PPP2R1A: variants seen among roughly 807,000 people sequenced by gnomAD.
PPP2R1A encodes the protein serine/threonine-protein phosphatase 2A 65 kDa regulatory subunit A alpha isoform.
In PPP2R1A, 15 loss-of-function variants were observed where a neutral mutation model predicts 67.1. That is an observed-to-expected ratio of 0.22 (90% CI 0.15 to 0.34). The LOEUF (loss-of-function observed/expected upper bound fraction) is 0.34. Among genes scored for constraint, PPP2R1A ranks in the 10% least tolerant of loss-of-function variants. PPP2R1A has a pLI of 1.00. For synonymous variants in PPP2R1A, 337 were observed against 325.0 expected (o/e 1.04, Z -0.40); for missense variants, 369 against 775.0 (o/e 0.48, Z 6.22).
In PPP2R1A at chr19:52,227,439, C is replaced by G. The variant is rs548904298; in HGVS notation, c.*1458C>G. 2.0e-5 allele frequency: 3 copies of G among 152,252 alleles called. No homozygotes were observed. The highest frequency in any genetic ancestry group is 3.9e-4 in the East Asian group (2 of 5,172). The allele number at this position is 152,252 out of a possible 1,614,324, so 9.4% of individuals were successfully genotyped here. A position where few individuals can be genotyped will look rare whatever the true frequency, so the allele number is the denominator to read the frequency against. On this transcript the variant is annotated 3_prime_UTR_variant, in exon 15 of 15. Coordinates refer to ENST00000322088, the MANE Select transcript of PPP2R1A (RefSeq NM_014225.6). ...GAATTAAACTGGTCAAGTGCCTGTT[C>G]GTTTAGGGTTTCATCACTTGAAGGT...
At position 52,216,842 on chromosome 19, in the gene PPP2R1A, A is replaced by G. The variant is rs1978603326; in HGVS notation, c.1128+179A>G. Among the ~76,000 whole-genome samples, 1 of 151,944 alleles carries G rather than the reference A, an allele frequency of 6.6e-6. No homozygotes were observed. ...TGTTCATGCGTTCATTCCTCCAGGC[A>G]CTCTTCATGAGGCCTTTCCTGGACA... is the stretch of plus-strand genomic sequence containing the variant. On this transcript the variant is annotated intron_variant, in intron 9 of 14. Transcript: ENST00000322088. The surrounding 1 kb of genome is among the most constrained non-coding windows in gnomAD (Gnocchi z 4.3).
chr19:52,210,815 G>C (rs1379404631), intron 3 of PPP2R1A, among the ~76,000 whole-genome samples: 1 of 152,140 alleles, frequency 6.6e-6, no homozygotes, highest in Non-Finnish European at 1.5e-5. Context: ...TTAAAATCAG[G>C]ACTTGCTTTA....
In PPP2R1A at chr19:52,206,049, G is replaced by C; in HGVS notation, c.256G>C (p.Val86Leu). The C allele has an allele frequency of 6.2e-7, 1 of 1,614,046 alleles. No homozygotes were observed. Among genetic ancestry groups the C allele is most frequent in the Non-Finnish European group, 8.5e-7 (1 of 1,179,892 alleles). ...FTTLVGGPEYVHCLLPPLESL... is the reference protein window; with the variant it reads ...FTTLVGGPEYLHCLLPPLESL... ...TACCCTGGTGGGAGGCCCAGAGTAC[G>C]TGCACTGCCTGCTGGTGAGTGGAAG... The change falls in exon 3 of 15, where the codon GTG (valine) becomes CTG (leucine). Residue 86 changes from valine (V) to leucine (L), a missense_variant. Val to Leu is a conservative substitution (Grantham distance 32). This residue lies in a region of PPP2R1A where 93 missense variants were observed against 266.5 expected (regional missense o/e 0.35). Transcript: ENST00000322088.
At chr19:52,197,499 G>T (rs1354587132) in intron 1 of PPP2R1A, among the ~76,000 whole-genome samples, 1 of 151,980 alleles carries the variant, frequency 6.6e-6, no homozygotes. Flanking sequence ...ACATAGTGAG[G>T]CCTCATCCCT....
At chr19:52,218,693 T>G (rs1304171087) in intron 9 of PPP2R1A, among the ~76,000 whole-genome samples, 3 of 152,208 alleles carry the variant, frequency 2.0e-5, no homozygotes, top group Non-Finnish European at 4.4e-5. Context: ...GTCTGCTATG[T>G]CATTTCACAC....
At chr19:52,210,608 C>T (rs1276614067) in intron 3 of PPP2R1A, among the ~76,000 whole-genome samples, 1 of 151,446 alleles carries the variant, frequency 6.6e-6, no homozygotes, top group African/African-American at 2.4e-5. Flanking sequence ...TCTTCTGCCT[C>T]AGCCTCCCGA....
chr19:52,225,085 T>C (rs1450867847), intron 13 of PPP2R1A, among the ~76,000 whole-genome samples: 4 of 148,194 alleles, frequency 2.7e-5, no homozygotes, highest in African/African-American at 1.0e-4. Context: ...TGATGCAATC[T>C]TGGCTCACCA....
chr19:52,222,414 T>C, intron 13 of PPP2R1A, 173 bp downstream of exon 13: 1 of 965,742 alleles, frequency 1.0e-6, no homozygotes, highest in Non-Finnish European at 1.4e-6. Flanking sequence ...AAAATGAACA[T>C]CACAGCATGA....
intron 2 of PPP2R1A, among the ~76,000 whole-genome samples, chr19:52,205,652 C>G (rs1427533376): frequency 6.6e-6 from 1 of 152,198 alleles, no homozygotes; most frequent in Non-Finnish European, 1.5e-5. Context: ...TCACTGTAAC[C>G]GTTGCTACGA....
At chr19:52,206,633 G>T (rs2089605473) in intron 3 of PPP2R1A, among the ~76,000 whole-genome samples, 1 of 152,116 alleles carries the variant, frequency 6.6e-6, no homozygotes, top group South Asian at 2.1e-4. Context: ...CTAGTAGATG[G>T]CAGAGCTGGG....
rs10422483 is a variant in PPP2R1A, at chr19:52,211,181, T to C, written c.271-79T>C. 1 of 1,368,806 alleles carries C rather than the reference T, an allele frequency of 7.3e-7. No homozygotes were observed. The highest frequency in any genetic ancestry group is 2.0e-5 in the Admixed American group (1 of 49,524). The allele number at this position is 1,368,806 out of a possible 1,614,324, so 84.8% of individuals were successfully genotyped here. A position where few individuals can be genotyped will look rare whatever the true frequency, so the allele number is the denominator to read the frequency against. On this transcript the variant is annotated intron_variant, in intron 3 of 14. Transcript: ENST00000322088. This position sits in a 1 kb window ranked among gnomAD's most constrained non-coding sequence, Gnocchi z 5.3. ...AGTTTTCTCTGAGGAGATGAGCCCA[T>C]GATGGGGTGCAGGATGGGGCTCCAG...
chr19:52,192,776 C>G (rs1290237241), intron 1 of PPP2R1A, among the ~76,000 whole-genome samples: 1 of 152,124 alleles, frequency 6.6e-6, no homozygotes, highest in African/African-American at 2.4e-5. Flanking sequence ...AAGAATATTG[C>G]AAAGGATACA....
chr19:52,224,401 G>A (rs1429757525), intron 13 of PPP2R1A, among the ~76,000 whole-genome samples: 1 of 152,208 alleles, frequency 6.6e-6, no homozygotes, highest in Non-Finnish European at 1.5e-5. Flanking sequence ...ACTTCCCCTT[G>A]GGGCCACTTA....
intron 3 of PPP2R1A, among the ~76,000 whole-genome samples, chr19:52,209,503 T>C (rs1232973456): frequency 6.6e-6 from 1 of 152,254 alleles, no homozygotes; most frequent in African/African-American, 2.4e-5. Flanking sequence ...TTTGTTTTTA[T>C]TCTTAGTTTT....
Position 52,222,196 on chromosome 19 carries a change from A to G in PPP2R1A, c.1616A>G (p.Asn539Ser). The change falls in exon 13 of 15, where the codon AAT becomes AGT. Residue 539 changes from asparagine to serine, a missense_variant. Physicochemically the swap from Asn to Ser is conservative, Grantham distance 46. Transcript: ENST00000322088. ...AGDPVANVRF[N>S]VAKSLQKIGP... ...GACCCGGTTGCCAATGTCCGCTTCA[A>G]TGTGGCCAAGTCTCTGCAGAAGATA... 6.2e-7 allele frequency: 1 copy of G among 1,614,124 alleles called. No homozygotes were observed. The highest frequency in any genetic ancestry group is 2.2e-5 in the East Asian group (1 of 44,880).
chr19:52,195,682 G>A (rs2089491168), intron 1 of PPP2R1A, among the ~76,000 whole-genome samples: 2 of 152,184 alleles, frequency 1.3e-5, no homozygotes, highest in African/African-American at 4.8e-5. Context: ...AGGGAAACAT[G>A]TAAGTTTATC....
chr19:52,199,956 C>T (rs2089531570), intron 1 of PPP2R1A, among the ~76,000 whole-genome samples: 1 of 152,198 alleles, frequency 6.6e-6, no homozygotes, highest in African/African-American at 2.4e-5. Context: ...TTACTGTGTG[C>T]ATTTTTCTGA....
At chr19:52,222,723 A>G (rs1036363203) in intron 13 of PPP2R1A, among the ~76,000 whole-genome samples, 2 of 152,232 alleles carry the variant, frequency 1.3e-5, no homozygotes, top group African/African-American at 4.8e-5. Context: ...TAAAAATACA[A>G]AAAATTAGCC....
chr19:52,196,870 G>A (rs2089500948), intron 1 of PPP2R1A, among the ~76,000 whole-genome samples: 1 of 152,210 alleles, frequency 6.6e-6, no homozygotes, highest in African/African-American at 2.4e-5. Context: ...ATTCCAGACA[G>A]GAAGGAGGGA....
Sources: gnomAD v4.1 joint callset for allele counts (sites outside exome capture counted in the v4.1 genomes callset) on GRCh38, gnomAD v4.1.1 for gene constraint, gnomAD v4.1.1 regional missense constraint, Gnocchi (gnomAD v3.1) non-coding constraint, MANE v1.5 for transcripts, NCBI Gene and HGNC (gene_info 2026-07-23, HGNC 2026-07-21) for gene names.